The following CEP120 variants were observed in gnomAD, a reference collection of about 807,000 sequenced individuals.
CEP120 encodes centrosomal protein of 120 kDa.
Under a neutral mutation model 126.5 loss-of-function variants are expected in CEP120, and 113 were observed. The observed-to-expected ratio is 0.89, with a 90% CI of 0.77 to 1.04. CEP120 has a LOEUF of 1.04. Among genes scored for constraint, CEP120 ranks in the 50% least tolerant of loss-of-function variants. The pLI is 0.00. For synonymous variants in CEP120, 400 were observed against 394.3 expected (o/e 1.01, Z -0.17); for missense variants, 1,230 against 1,155.7 (o/e 1.06, Z -0.93).
At chr5:123,362,363 C>T (rs933365684) in intron 18 of CEP120, among the ~76,000 whole-genome samples, 1 of 151,664 alleles carries the variant, frequency 6.6e-6, no homozygotes, top group African/African-American at 2.4e-5. Flanking sequence ...GGACTAAGAC[C>T]ATATCATAAA....
Position 123,386,671 on chromosome 5 carries a change from GAATTTA to G in CEP120, c.1431-10_1431-5del, listed in dbSNP as rs1562047769. 6 of 325,532 alleles carry G rather than the reference GAATTTA, an allele frequency of 1.8e-5. No homozygotes were observed. In the African/African-American group the frequency reaches 3.6e-4, roughly 20 times the overall value. The allele number at this position is 325,532 out of a possible 1,614,324, so 20.2% of individuals were successfully genotyped here. A position where few individuals can be genotyped will look rare whatever the true frequency, so the allele number is the denominator to read the frequency against. The stretch of plus-strand genomic sequence containing the variant: ...TCCAAAGAATGGATATGAGTACCTA[GAATTTA>G]AAAAAAAAAAAAAAAAAAAAAGCCT... On this transcript the variant is annotated splice_polypyrimidine_tract_variant and splice_region_variant and intron_variant, in intron 9 of 19. Transcript: ENST00000306467.
intron 8 of CEP120, among the ~76,000 whole-genome samples, chr5:123,389,402 GT>G (rs1446950095): frequency 6.6e-6 from 1 of 152,130 alleles, no homozygotes; most frequent in Non-Finnish European, 1.5e-5. Context: ...CAGTGTACAA[GT>G]AAAATAAAAA....
rs541312139 is a variant in CEP120, at chr5:123,382,341, A to T, written c.2014-141T>A. 7 of 439,920 alleles carry T rather than the reference A, an allele frequency of 1.6e-5. No homozygotes were observed. The Admixed American group carries it at 2.5e-4, about 15-fold the overall frequency. The allele number at this position is 439,920 out of a possible 1,614,324, so 27.3% of individuals were successfully genotyped here. ...TTTTTATTCTAAAAAAAAAAAAAAAAAAAAGGAGGATGCCTGAGGCAAATA... is the reference window on the plus strand; with the variant it reads ...TTTTTATTCTAAAAAAAAAAAAAAATAAAAGGAGGATGCCTGAGGCAAATA... On this transcript the variant is annotated intron_variant, in intron 13 of 19. Transcript: ENST00000306467.
intron 5 of CEP120, 152 bp from the exon 6 acceptor site, chr5:123,393,649 A>C: frequency 1.6e-6 from 1 of 636,242 alleles, no homozygotes. Context: ...CTGCCAAATT[A>C]CTACCAAATT....
chr5:123,382,627 G>T (rs976098784), intron 13 of CEP120, 110 bp downstream of exon 13: 12 of 964,786 alleles, frequency 1.2e-5, no homozygotes, highest in Non-Finnish European at 1.7e-5. Flanking sequence ...GACATTCAAA[G>T]AAGTTAGATA....
At chr5:123,417,127 C>A (rs1774435637) in intron 2 of CEP120, among the ~76,000 whole-genome samples, 1 of 152,096 alleles carries the variant, frequency 6.6e-6, no homozygotes, top group Non-Finnish European at 1.5e-5. Context: ...CAGAGTGGTA[C>A]TAACCTGGCA....
At chr5:123,409,889 G>A (rs1201486330) in intron 4 of CEP120, among the ~76,000 whole-genome samples, 4 of 150,968 alleles carry the variant, frequency 2.6e-5, no homozygotes, top group African/African-American at 4.9e-5. Context: ...CCTGGGAGTC[G>A]GGGCTGTGGT....
rs1295210302 is a variant in CEP120, at chr5:123,346,739, TC to T, written c.2740del (p.Glu914SerfsTer32). 6.2e-7 allele frequency: 1 copy of T among 1,607,314 alleles called. No individual in the cohort carries two copies. The highest frequency in any genetic ancestry group is 2.2e-5 in the East Asian group (1 of 44,768). ...RNELNRLRQQ[E>X]QKQYQDSTEI... is the part of the protein sequence containing the mutation. ...TGTGGAATCCTGGTATTGTTTTTGC[TC>T]TTGTTGCCTTAACCTGAGAAGTCAA... On this transcript the variant is annotated frameshift_variant, in exon 20 of 20. Transcript: ENST00000306467. LOFTEE classifies it high-confidence loss of function.
At chr5:123,395,563 A>T (rs1174641036) in intron 5 of CEP120, among the ~76,000 whole-genome samples, 1 of 151,818 alleles carries the variant, frequency 6.6e-6, no homozygotes, top group African/African-American at 2.4e-5. Flanking sequence ...ACTTTTGCCT[A>T]TTGTGGATGA....
chr5:123,400,859 T>TC (rs1773164744), intron 4 of CEP120: 1 of 1,037,982 alleles, frequency 9.6e-7, no homozygotes, highest in Non-Finnish European at 1.5e-6. Flanking sequence ...CATAGTGACC[T>TC]CCCTCCCAGG....
chr5:123,402,662 C>G (rs1181691830), intron 4 of CEP120, among the ~76,000 whole-genome samples: 1 of 152,214 alleles, frequency 6.6e-6, no homozygotes, highest in Non-Finnish European at 1.5e-5. Context: ...ATCCACCTGC[C>G]TCAGCCTCCC....
At position 123,412,537 on chromosome 5, in the gene CEP120, G is replaced by A. The variant is rs773832163; in HGVS notation, c.325C>T (p.Pro109Ser). The A allele has an allele frequency of 2.2e-5, 35 of 1,591,564 alleles. No individual in the cohort carries two copies. Among genetic ancestry groups the A allele is most frequent in the Non-Finnish European group, 2.7e-5 (32 of 1,170,646 alleles). Residue 109 changes from proline (P) to serine (S), a missense_variant, in exon 4 of 20, where the codon CCA becomes TCA. By Grantham distance (74) the Pro-to-Ser change is moderately conservative. Coordinates refer to ENST00000306467, the MANE Select transcript of CEP120 (RefSeq NM_001375405.1). The stretch of plus-strand genomic sequence containing the variant: ...TTACTCAGCAACTGGTACCATTTTG[G>A]TGCCTAGAGAATAATAAAATAACAA... ...LRTAQETKQA[P>S]KWYQLLSNKY...
chr5:123,418,625 C>A lies in CEP120; in HGVS notation c.50-110G>T, dbSNP rs111650535. On this transcript the variant is annotated intron_variant, in intron 1 of 19. Coordinates refer to ENST00000306467, the MANE Select transcript of CEP120 (RefSeq NM_001375405.1). The stretch of plus-strand genomic sequence containing the variant: ...TTTTTTTTTTTTTTTGAGATGGAGT[C>A]TTACTCTGTTGCTTAGGCTGGAGTT... 7.1e-3 allele frequency: 6,225 copies of A among 871,742 alleles called. 267 individuals carry two copies. The African/African-American group carries it at 0.093, about 13-fold the overall frequency. 54.0% of individuals were successfully genotyped at this position (871,742 alleles called of 1,614,324 possible). A position where few individuals can be genotyped will look rare whatever the true frequency, so the allele number is the denominator to read the frequency against.
At chr5:123,392,512 T>A (rs1772471395) in intron 6 of CEP120, among the ~76,000 whole-genome samples, 1 of 152,178 alleles carries the variant, frequency 6.6e-6, no homozygotes, top group Admixed American at 6.6e-5. Context: ...TAGGTAAGGT[T>A]AACTTATCTT....
chr5:123,359,225 T>C (rs1329398326), intron 18 of CEP120, among the ~76,000 whole-genome samples: 1 of 152,058 alleles, frequency 6.6e-6, no homozygotes, highest in African/African-American at 2.4e-5. Context: ...TGTGCACAAA[T>C]ATGGTAAGGG....
intron 18 of CEP120, among the ~76,000 whole-genome samples, chr5:123,350,743 T>A (rs1769147112): frequency 6.6e-6 from 1 of 152,250 alleles, no homozygotes; most frequent in Non-Finnish European, 1.5e-5. Context: ...TATGCACATA[T>A]ATTCTTAAAC....
chr5:123,383,859 T>A (rs1437264875), intron 11 of CEP120, among the ~76,000 whole-genome samples: 5 of 152,120 alleles, frequency 3.3e-5, no homozygotes, highest in African/African-American at 1.2e-4. Context: ...CATGGTTTTG[T>A]CTAAATCAAA....
intron 16 of CEP120, among the ~76,000 whole-genome samples, chr5:123,374,849 A>G (rs1771095067): frequency 6.6e-6 from 1 of 152,162 alleles, no homozygotes; most frequent in South Asian, 2.1e-4. Flanking sequence ...GAACATTATC[A>G]TACACAATTC....
chr5:123,373,053 C>T (rs1770959234), intron 16 of CEP120, among the ~76,000 whole-genome samples: 2 of 151,984 alleles, frequency 1.3e-5, no homozygotes. Flanking sequence ...GTAAAAGTTA[C>T]CTTCAGAAAT....
Sources: gnomAD v4.1 joint callset for allele counts (sites outside exome capture counted in the v4.1 genomes callset) on GRCh38, gnomAD v4.1.1 for gene constraint, MANE v1.5 for transcripts, NCBI Gene and HGNC (gene_info 2026-07-23, HGNC 2026-07-21) for gene names.